Variants in MEIOSIN observed in about 807,000 individuals in gnomAD.
MEIOSIN encodes meiosis initiator.
In MEIOSIN, 18 loss-of-function variants were observed where a neutral mutation model predicts 23.4. The observed-to-expected ratio is 0.77, with a 90% confidence interval of 0.53 to 1.14. MEIOSIN has a LOEUF of 1.14. Ranked by LOEUF, MEIOSIN falls within the 50% of genes most tolerant of loss-of-function variation. The probability of loss-of-function intolerance (pLI) is 0.00; values close to 1 mark genes in which losing one functional copy is unlikely to be tolerated. For missense variants in MEIOSIN, 428 were observed against 242.9 expected, an observed-to-expected ratio of 1.76 and a Z score of -5.07; for synonymous variants, 187 against 100.6, an observed-to-expected ratio of 1.86 and a Z score of -5.14.
chr19:45,740,794 T>TAATAATAATAAC (rs1555782624), intron 3 of MEIOSIN, among the ~76,000 whole-genome samples: 1 of 145,676 alleles, frequency 6.9e-6, no homozygotes, highest in Non-Finnish European at 1.5e-5. Flanking sequence ...ATAATAATAA[T>TAATAATAATAAC]AACAATGATA....
chr19:45,736,673 A>C (rs1001690728), intron 2 of MEIOSIN, among the ~76,000 whole-genome samples: 17 of 151,930 alleles, frequency 1.1e-4, no homozygotes, highest in African/African-American at 3.6e-4. Flanking sequence ...GATTCACGCT[A>C]TTCTCCTGCC....
At chr19:45,751,311 T>TAATAATAATAATA (rs977199924) in intron 5 of MEIOSIN, among the ~76,000 whole-genome samples, 2 of 145,482 alleles carry the variant, frequency 1.4e-5, no homozygotes, top group African/African-American at 5.1e-5. Flanking sequence ...ATAATAATAA[T>TAATAATAATAATA]ATATACATAA....
intron 5 of MEIOSIN, among the ~76,000 whole-genome samples, chr19:45,752,658 C>T (rs1361250995): frequency 6.6e-6 from 1 of 152,024 alleles, no homozygotes; most frequent in Admixed American, 6.6e-5. Context: ...TGACTTGTTT[C>T]TATGTATTAA....
Position 45,739,644 on chromosome 19 carries a change from C to T in MEIOSIN, c.90C>T (p.Ser30=). The change falls in exon 3 of 15, where the codon TCC becomes TCT. Residue 30 remains serine, a synonymous_variant. Coordinates refer to ENST00000457052, the MANE Select transcript of MEIOSIN (RefSeq NM_001310124.2). ...TTGGCAGGACCTTGGTTTTGTGCTC[C>T]CTAGTGGAAGGGGAAGATAAGGTCA... The part of the protein sequence containing the change: ...GPSDRTLVLC[S]LVEGEDKVNP... 1 of 703,110 alleles carries T rather than the reference C, an allele frequency of 1.4e-6. No homozygotes were observed. Among genetic ancestry groups the T allele is most frequent in the Non-Finnish European group, 2.6e-6 (1 of 385,016 alleles). 43.6% of individuals were successfully genotyped at this position (703,110 alleles called of 1,614,324 possible).
intron 4 of MEIOSIN, among the ~76,000 whole-genome samples, chr19:45,748,725 G>A (rs923284477): frequency 2.0e-5 from 3 of 151,972 alleles, no homozygotes; most frequent in East Asian, 3.8e-4. Context: ...TTTTCTTAGC[G>A]AGTGCCAACC....
In MEIOSIN at chr19:45,764,473, CCTGTT is replaced by C. The variant is rs1969021421; in HGVS notation, c.*358_*362del. The C allele has an allele frequency of 4.2e-6, 1 of 236,442 alleles. No individual in the cohort carries two copies. The highest frequency in any genetic ancestry group is 2.2e-5 in the African/African-American group (1 of 44,644). The allele number at this position is 236,442 out of a possible 1,614,324, so 14.6% of individuals were successfully genotyped here. ...CTCACCTCACCCTACTCCTCCCTCT[CCTGTT>C]CTATTTTTAGACTATTTATTGTTTT... On this transcript the variant is annotated 3_prime_UTR_variant, in exon 15 of 15. Coordinates refer to ENST00000457052, the MANE Select transcript of MEIOSIN (RefSeq NM_001310124.2).
chr19:45,755,823 A>G, intron 7 of MEIOSIN, 147 bp from the exon 8 acceptor site: 1 of 599,188 alleles, frequency 1.7e-6, no homozygotes, highest in East Asian at 2.8e-5. Context: ...CCTCACACCA[A>G]CGTGACACCC....
Position 45,754,714 on chromosome 19 carries a change from T to C in MEIOSIN, c.792T>C (p.Cys264=), listed in dbSNP as rs893899428. 1.0e-5 allele frequency: 7 copies of C among 703,084 alleles called. No individual in the cohort carries two copies. The highest frequency in any genetic ancestry group is 5.4e-5 in the East Asian group (2 of 37,284). The allele number at this position is 703,084 out of a possible 1,614,324, so 43.6% of individuals were successfully genotyped here. A position where few individuals can be genotyped will look rare whatever the true frequency, so the allele number is the denominator to read the frequency against. Reference sequence around the variant, plus strand: ...ATCTGGCCGAGGACACCATCCACTGTGACATCTCAAGTGGGTCTCTTTCCT... The same window carrying C: ...ATCTGGCCGAGGACACCATCCACTGCGACATCTCAAGTGGGTCTCTTTCCT... ...LLDLAEDTIH[C]DISSCWCQGS... Residue 264 remains cysteine (C), a synonymous_variant, in exon 7 of 15, where the codon TGT becomes TGC. Transcript: ENST00000457052.
In MEIOSIN at chr19:45,750,733, C is replaced by T; in HGVS notation, c.365C>T (p.Ala122Val). 1.6e-6 allele frequency: 1 copy of T among 643,960 alleles called. No individual in the cohort carries two copies. Among genetic ancestry groups the T allele is most frequent in the Non-Finnish European group, 2.8e-6 (1 of 361,322 alleles). The allele number at this position is 643,960 out of a possible 1,614,324, so 39.9% of individuals were successfully genotyped here. ...CAGTACCTCCAGAGAAACATCGATG[C>T]CGCCAAGGCCTTGTTCAAATGCCAC... ...YIQYLQRNID[A>V]AKALFKCHIT... Residue 122 changes from alanine (A) to valine (V), a missense_variant, in exon 5 of 15, where the codon GCC becomes GTC. Physicochemically the swap from Ala to Val is moderately conservative, Grantham distance 64. Transcript: ENST00000457052.
chr19:45,739,749 G>A lies in MEIOSIN; in HGVS notation c.176+19G>A, dbSNP rs536272085. The A allele has an allele frequency of 1.4e-6, 1 of 703,532 alleles. No homozygotes were observed. The highest frequency in any genetic ancestry group is 2.6e-6 in the Non-Finnish European group (1 of 385,084). The allele number at this position is 703,532 out of a possible 1,614,324, so 43.6% of individuals were successfully genotyped here. On this transcript the variant is annotated intron_variant, in intron 3 of 14. Transcript: ENST00000457052. ...AACTGAGGTACTGTTAACAGAAAAG[G>A]GGGGATTGGATGTTGGCCAAGCAAA... is the stretch of plus-strand genomic sequence containing the variant.
At chr19:45,737,031 G>T (rs1968420067) in intron 2 of MEIOSIN, among the ~76,000 whole-genome samples, 2 of 151,754 alleles carry the variant, frequency 1.3e-5, no homozygotes, top group African/African-American at 4.8e-5. Flanking sequence ...ACCACGCCCA[G>T]CAAATTTTTG....
chr19:45,735,540 C>G (rs1326492076), intron 2 of MEIOSIN, 93 bp downstream of exon 2: 1 of 631,296 alleles, frequency 1.6e-6, no homozygotes, highest in African/African-American at 1.8e-5. Context: ...GTTTGCTAGA[C>G]TCTTTGCCAA....
At chr19:45,761,285 T>C (rs527828938) in intron 11 of MEIOSIN, among the ~76,000 whole-genome samples, 2 of 151,888 alleles carry the variant, frequency 1.3e-5, no homozygotes, top group Admixed American at 1.3e-4. Flanking sequence ...CCAACATACC[T>C]GGCTAATTTT....
chr19:45,741,559 C>A (rs1343377850), intron 3 of MEIOSIN, among the ~76,000 whole-genome samples: 1 of 151,838 alleles, frequency 6.6e-6, no homozygotes, highest in African/African-American at 2.4e-5. Context: ...ATAAATAAGA[C>A]AAAAATTCTT....
chr19:45,757,431 C>T lies in MEIOSIN; in HGVS notation c.1012+154C>T, dbSNP rs535159705. Among the ~76,000 whole-genome samples the T allele has an allele frequency of 2.9e-3, 441 of 152,244 alleles. 4 individuals are homozygous for T. The highest frequency in any genetic ancestry group is 1.0e-2 in the African/African-American group (415 of 41,538). ...ACACACAGTGCACCTGCCAGCTCTC[C>T]GCCACCGCTGCCACGGAGGCTTGAC... On this transcript the variant is annotated intron_variant, in intron 9 of 14. Coordinates refer to ENST00000457052, the MANE Select transcript of MEIOSIN (RefSeq NM_001310124.2).
chr19:45,761,421 CT>C (rs1223962560), intron 11 of MEIOSIN, among the ~76,000 whole-genome samples: 6 of 139,390 alleles, frequency 4.3e-5, no homozygotes, highest in African/African-American at 1.6e-4. Flanking sequence ...TGCGCCTGGC[CT>C]ATTTTTTTTT....
intron 4 of MEIOSIN, among the ~76,000 whole-genome samples, chr19:45,746,513 C>A (rs1288135990): frequency 6.6e-6 from 1 of 152,098 alleles, no homozygotes; most frequent in African/African-American, 2.4e-5. Flanking sequence ...TACACTGGGC[C>A]CACCCAGATA....
Position 45,753,652 on chromosome 19 carries a change from G to C in MEIOSIN, c.420G>C (p.Gly140=). The C allele has an allele frequency of 1.4e-6, 1 of 702,128 alleles. No homozygotes were observed. 43.5% of individuals were successfully genotyped at this position (702,128 alleles called of 1,614,324 possible). Residue 140 remains glycine (G), a splice_region_variant and synonymous_variant, in exon 6 of 15, where the codon GGG becomes GGC. Coordinates refer to ENST00000457052, the MANE Select transcript of MEIOSIN (RefSeq NM_001310124.2). ...CTGTTTCCCTCTCCATCCCTGCAGGGCTGGGTCAGAAACCAGCCTGGGGCC... is the reference window on the plus strand; with the variant it reads ...CTGTTTCCCTCTCCATCCCTGCAGGCCTGGGTCAGAAACCAGCCTGGGGCC... ...HITTGEGGLA[G]LGQKPAWGPA... is the part of the protein sequence containing the mutation.
chr19:45,748,180 C>T (rs1359814180), intron 4 of MEIOSIN, among the ~76,000 whole-genome samples: 1 of 152,018 alleles, frequency 6.6e-6, no homozygotes, highest in Non-Finnish European at 1.5e-5. Context: ...TGGGTTCACG[C>T]CATTCTCCTG....
Sources: allele counts gnomAD v4.1 joint callset (sites outside exome capture counted in the v4.1 genomes callset), GRCh38; gene constraint gnomAD v4.1.1; transcripts MANE v1.5; gene names NCBI Gene and HGNC (gene_info 2026-07-23, HGNC 2026-07-21).